NIPSNAP3B: variants seen among roughly 807,000 people sequenced by gnomAD.
NIPSNAP3B encodes protein NipSnap homolog 3B.
A neutral mutation model predicts 31.5 loss-of-function variants in NIPSNAP3B; 30 were observed. The ratio of observed to expected loss-of-function variants is 0.95; its 90% CI spans 0.71 to 1.29. The LOEUF (loss-of-function observed/expected upper bound fraction) is 1.29. Among genes scored for constraint, NIPSNAP3B ranks in the 50% most tolerant of loss-of-function variants. NIPSNAP3B has a pLI of 0.00. For synonymous variants in NIPSNAP3B, 106 were observed against 107.9 expected, an observed-to-expected ratio of 0.98 and a Z score of 0.11; for missense variants, 269 against 300.7, an observed-to-expected ratio of 0.89 and a Z score of 0.78.
At position 104,770,988 on chromosome 9, in the gene NIPSNAP3B, A is replaced by T; in HGVS notation, c.570A>T (p.Glu190Asp). 1 of 1,613,702 alleles carries T rather than the reference A, an allele frequency of 6.2e-7. No homozygotes were observed. Among genetic ancestry groups the T allele is most frequent in the African/African-American group, 1.3e-5 (1 of 74,994 alleles). ...GTGTTTTCCACACAGAATATGGAGA[A>T]CTCAACAGAGGTACAGTTGTCCATT... Reference protein sequence around the residue: ...VVGVFHTEYGELNRVHVLWWN... With the variant: ...VVGVFHTEYGDLNRVHVLWWN... Residue 190 changes from glutamate (E) to aspartate (D), a missense_variant, in exon 4 of 6, where the codon GAA becomes GAT. Glu to Asp is a conservative substitution (Grantham distance 45). Transcript: ENST00000374762.
rs745577807 is a variant in NIPSNAP3B at position 104,764,272 on chromosome 9, C to G, written c.32C>G (p.Ala11Gly). The G allele has an allele frequency of 1.9e-6, 3 of 1,597,840 alleles. No homozygotes were observed. Among genetic ancestry groups the G allele is most frequent in the African/African-American group, 1.3e-5 (1 of 74,626 alleles). The part of the protein sequence containing the change: MLVLRSGLTK[A>G]LASRTLAPQV... ...GTTCTCAGAAGCGGCCTGACCAAGG[C>G]GCTTGCCTCACGGACGCTCGCGCCT... Residue 11 changes from alanine (A) to glycine (G), a missense_variant, in exon 1 of 6, where the codon GCG becomes GGG. By Grantham distance (60) the Ala-to-Gly change is moderately conservative. Transcript: ENST00000374762.
chr9:104,768,098 T>A (rs1396985167), intron 2 of NIPSNAP3B, among the ~76,000 whole-genome samples: 1 of 152,190 alleles, frequency 6.6e-6, no homozygotes, highest in Non-Finnish European at 1.5e-5. Context: ...CTTGTATTTT[T>A]AAAAAATATT....
the NIPSNAP3B span, chr9:104,784,336 T>C: frequency 1.2e-6 from 2 of 1,614,140 alleles, no homozygotes; most frequent in Non-Finnish European, 1.7e-6. Flanking sequence ...TTTCTTTCAC[T>C]TTCTCATCCT....
At chr9:104,779,179 C>G (rs980492567), downstream of NIPSNAP3B, among the ~76,000 whole-genome samples, 1 of 152,166 alleles carries the variant, frequency 6.6e-6, no homozygotes, top group Non-Finnish European at 1.5e-5. Flanking sequence ...TCTGACTTCT[C>G]TCCATTGTTA....
chr9:104,787,821 A>T, the NIPSNAP3B span: 2 of 1,612,354 alleles, frequency 1.2e-6, no homozygotes, highest in Non-Finnish European at 1.7e-6. Flanking sequence ...GGGGGAAGAC[A>T]AGCCAATCAT....
chr9:104,766,246 T>C, intron 1 of NIPSNAP3B, 79 bp from the exon 2 acceptor site: 1 of 1,101,348 alleles, frequency 9.1e-7, no homozygotes, highest in South Asian at 1.4e-5. Context: ...GTGTTCCTTG[T>C]ACCAGACTCA....
At position 104,773,243 on chromosome 9, in the gene NIPSNAP3B, A is replaced by T; in HGVS notation, c.*170A>T. 1 of 631,520 alleles carries T rather than the reference A, an allele frequency of 1.6e-6. No homozygotes were observed. Among genetic ancestry groups the T allele is most frequent in the Non-Finnish European group, 2.7e-6 (1 of 368,134 alleles). The allele number at this position is 631,520 out of a possible 1,614,324, so 39.1% of individuals were successfully genotyped here. On this transcript the variant is annotated 3_prime_UTR_variant, in exon 6 of 6. Transcript: ENST00000374762. The stretch of plus-strand genomic sequence containing the variant: ...AAAGTTACATATTCTCCACTGCTTT[A>T]AGAAATAATTCAGTTCACTTTCACC...
chr9:104,766,202 C>A, intron 1 of NIPSNAP3B, 123 bp from the exon 2 acceptor site: 1 of 710,536 alleles, frequency 1.4e-6, no homozygotes, highest in Non-Finnish European at 2.4e-6. Context: ...GGAGAATTGA[C>A]AACAAAAGTA....
rs768613527 is a variant in NIPSNAP3B, at chr9:104,764,275, T to C, written c.35T>C (p.Leu12Pro). ...LVLRSGLTKA[L>P]ASRTLAPQVC... ...CTCAGAAGCGGCCTGACCAAGGCGCTTGCCTCACGGACGCTCGCGCCTCAG... is the reference window on the plus strand; with the variant it reads ...CTCAGAAGCGGCCTGACCAAGGCGCCTGCCTCACGGACGCTCGCGCCTCAG... Residue 12 changes from leucine to proline, a missense_variant, in exon 1 of 6, where the codon CTT becomes CCT. Transcript: ENST00000374762. 2 of 1,596,894 alleles carry C rather than the reference T, an allele frequency of 1.3e-6. No homozygotes were observed. The highest frequency in any genetic ancestry group is 2.3e-5 in the South Asian group (2 of 88,076).
the NIPSNAP3B span, chr9:104,788,520 G>A: frequency 6.2e-7 from 1 of 1,614,164 alleles, no homozygotes; most frequent in Non-Finnish European, 8.5e-7. Flanking sequence ...ATCAAACTGA[G>A]GGCAGTAGCC....
At chr9:104,789,370 T>A in the NIPSNAP3B span, among the ~76,000 whole-genome samples, 1 of 152,222 alleles carries the variant, frequency 6.6e-6, no homozygotes, top group Admixed American at 6.5e-5. Flanking sequence ...AGGAAAGCAG[T>A]TGTGCAGCGC....
At chr9:104,766,152 A>T (rs1395174830) in intron 1 of NIPSNAP3B, among the ~76,000 whole-genome samples, 173 bp from the exon 2 acceptor site, 2 of 152,218 alleles carry the variant, frequency 1.3e-5, no homozygotes, top group African/African-American at 4.8e-5. Flanking sequence ...AATTAAGAGT[A>T]GTTATCTTTA....
chr9:104,788,685 G>T, the NIPSNAP3B span: 1 of 1,286,264 alleles, frequency 7.8e-7, no homozygotes, highest in Non-Finnish European at 1.1e-6. Flanking sequence ...CAATACATCT[G>T]CTGCTACTTG....
At chr9:104,785,520 T>G in the NIPSNAP3B span, 21 of 1,614,170 alleles carry the variant, frequency 1.3e-5, no homozygotes, top group Non-Finnish European at 1.7e-5. Flanking sequence ...TTGTAGCATG[T>G]TCCGGTGTTT....
the NIPSNAP3B span, chr9:104,788,645 G>A: frequency 6.6e-7 from 1 of 1,525,336 alleles, no homozygotes; most frequent in South Asian, 1.1e-5. Flanking sequence ...TAATGTTCCT[G>A]TAAAGTATGC....
rs1336298079 is a variant in NIPSNAP3B at position 104,774,838 on chromosome 9, TC to T, written c.*1766del. On this transcript the variant is annotated 3_prime_UTR_variant, in exon 6 of 6. Transcript: ENST00000374762. Reference sequence around the variant, plus strand: ...GGTTTATATAATAGCATTGTATTTTTCTCTATTTTATTCATTCTTTCATTCT... The same window carrying T: ...GGTTTATATAATAGCATTGTATTTTTTCTATTTTATTCATTCTTTCATTCT... 6.6e-6 allele frequency among the ~76,000 whole-genome samples: 1 copy of T among 152,186 alleles called. No individual in the cohort carries two copies. The highest frequency in any genetic ancestry group is 2.4e-5 in the African/African-American group (1 of 41,442).
chr9:104,788,042 C>A, the NIPSNAP3B span: 1 of 1,614,058 alleles, frequency 6.2e-7, no homozygotes, highest in African/African-American at 1.3e-5. Context: ...TTCCGAATCG[C>A]CCACTCACCA....
In NIPSNAP3B at chr9:104,775,507, T is replaced by A. The variant is rs532679068; in HGVS notation, c.*2434T>A. Among the ~76,000 whole-genome samples the A allele has an allele frequency of 3.3e-5, 5 of 152,256 alleles. No homozygotes were observed. In the South Asian group the frequency reaches 1.0e-3, roughly 32 times the overall value. ...GTAAGGACTGAGTCCTTGGACCACT[T>A]CTCTTTTCTATTTATACTTACTCCC... On this transcript the variant is annotated 3_prime_UTR_variant, in exon 6 of 6. Coordinates refer to ENST00000374762, the MANE Select transcript of NIPSNAP3B (RefSeq NM_018376.4).
At position 104,773,052 on chromosome 9, in the gene NIPSNAP3B, A is replaced by G. The variant is rs779445447; in HGVS notation, c.723A>G (p.Ala241=). ...VSQQNMLLIP[A]SFSPLK is the part of the protein sequence containing the mutation. ...AGCAGAATATGCTTCTGATTCCTGC[A>G]TCATTTTCACCATTGAAATAGTTTT... The change falls in exon 6 of 6, where the codon GCA becomes GCG. Residue 241 remains alanine, a synonymous_variant. Coordinates refer to ENST00000374762, the MANE Select transcript of NIPSNAP3B (RefSeq NM_018376.4). The G allele has an allele frequency of 6.2e-6, 10 of 1,614,096 alleles. No homozygotes were observed. The Admixed American group carries it at 1.7e-4, about 27-fold the overall frequency.
Sources: allele counts gnomAD v4.1 joint callset (sites outside exome capture counted in the v4.1 genomes callset), GRCh38; gene constraint gnomAD v4.1.1; transcripts MANE v1.5; gene names NCBI Gene and HGNC (gene_info 2026-07-23, HGNC 2026-07-21).